SPRED1: variants seen among roughly 807,000 people sequenced by gnomAD.
SPRED1 encodes sprouty related EVH1 domain containing 1.
SPRED1 carries 18 observed loss-of-function variants against 52.3 expected under a neutral mutation model. That is an observed-to-expected ratio of 0.34 (90% CI 0.24 to 0.51). SPRED1 has a LOEUF of 0.51. Among genes scored for constraint, SPRED1 ranks in the 20% least tolerant of loss-of-function variants. The probability of loss-of-function intolerance (pLI) is 0.97; values close to 1 mark genes in which losing one functional copy is unlikely to be tolerated. For missense variants in SPRED1, 485 were observed against 551.0 expected (o/e 0.88, Z 1.20); for synonymous variants, 155 against 179.7 (o/e 0.86, Z 1.10).
chr15:38,296,228 G>T (rs538145757), intron 1 of SPRED1, among the ~76,000 whole-genome samples: 4 of 152,026 alleles, frequency 2.6e-5, no homozygotes, highest in Non-Finnish European at 5.9e-5. Flanking sequence ...CTGTAAGGGA[G>T]AAAAGAAACT....
At chr15:38,260,147 C>T (rs558555764) in intron 1 of SPRED1, among the ~76,000 whole-genome samples, 3 of 152,184 alleles carry the variant, frequency 2.0e-5, no homozygotes, top group Admixed American at 6.5e-5. Context: ...GCTTAAAAAG[C>T]AACAACAAGT....
intron 1 of SPRED1, among the ~76,000 whole-genome samples, chr15:38,293,853 GTCC>G (rs1342025471): frequency 6.6e-6 from 1 of 152,106 alleles, no homozygotes; most frequent in Non-Finnish European, 1.5e-5. Flanking sequence ...TCTATTGAGT[GTCC>G]TTAGCCTTTT....
At chr15:38,266,215 A>C (rs570017368) in intron 1 of SPRED1, among the ~76,000 whole-genome samples, 2 of 152,366 alleles carry the variant, frequency 1.3e-5, no homozygotes, top group Non-Finnish European at 2.9e-5. Context: ...ATCTTAAATG[A>C]GCATAAATCA....
At chr15:38,256,545 A>G (rs1367043298) in intron 1 of SPRED1, among the ~76,000 whole-genome samples, 1 of 152,156 alleles carries the variant, frequency 6.6e-6, no homozygotes, top group African/African-American at 2.4e-5. Flanking sequence ...TTAGCCAGAA[A>G]CACTTCCTGT....
intron 1 of SPRED1, among the ~76,000 whole-genome samples, chr15:38,274,609 A>G (rs568773925): frequency 7.2e-5 from 11 of 152,334 alleles, no homozygotes; most frequent in Non-Finnish European, 1.5e-4. Context: ...CAATATTATT[A>G]TCAACTGGCA....
At chr15:38,261,249 A>G (rs573767442) in intron 1 of SPRED1, among the ~76,000 whole-genome samples, 4 of 152,330 alleles carry the variant, frequency 2.6e-5, no homozygotes, top group Middle Eastern at 3.4e-3. Context: ...AATTTTTCTG[A>G]TTTAAAACGA....
intron 4 of SPRED1, among the ~76,000 whole-genome samples, chr15:38,332,556 G>C (rs1895826256): frequency 6.6e-6 from 1 of 152,178 alleles, no homozygotes; most frequent in African/African-American, 2.4e-5. Flanking sequence ...CTGGGCAACA[G>C]AGCAAGACCT....
chr15:38,275,737 C>T (rs1485307778), intron 1 of SPRED1, among the ~76,000 whole-genome samples: 1 of 152,174 alleles, frequency 6.6e-6, no homozygotes, highest in Admixed American at 6.5e-5. Flanking sequence ...ACCTCGTGAT[C>T]CACCCACCCC....
chr15:38,298,331 C>T (rs192468699), intron 1 of SPRED1, among the ~76,000 whole-genome samples: 1 of 151,996 alleles, frequency 6.6e-6, no homozygotes, highest in Admixed American at 6.6e-5. Flanking sequence ...TCCTGTGACC[C>T]GTTAATTCCA....
Position 38,351,293 on chromosome 15 carries a change from A to G in SPRED1, c.964A>G (p.Lys322Glu). The G allele has an allele frequency of 6.2e-7, 1 of 1,614,120 alleles. No homozygotes were observed. The highest frequency in any genetic ancestry group is 1.7e-5 in the Admixed American group (1 of 59,990). The stretch of plus-strand genomic sequence containing the variant: ...GCAGCCTTCCTCATTAAAAATTAAG[A>G]AGTCAAAACGAAGAAAAGAGGATGG... ...KTQPSSLKIK[K>E]SKRRKEDGER... Residue 322 changes from lysine to glutamate, a missense_variant, in exon 7 of 7, where the codon AAG (lysine) becomes GAG (glutamate). By Grantham distance (56) the Lys-to-Glu change is moderately conservative. Transcript: ENST00000299084.
At chr15:38,285,921 C>T (rs567156119) in intron 1 of SPRED1, among the ~76,000 whole-genome samples, 1 of 152,296 alleles carries the variant, frequency 6.6e-6, no homozygotes. Flanking sequence ...TATCTTCTTA[C>T]TCATTCATGC....
chr15:38,270,096 G>A (rs1199013298), intron 1 of SPRED1, among the ~76,000 whole-genome samples: 1 of 151,770 alleles, frequency 6.6e-6, no homozygotes. Context: ...TAATAGAGAC[G>A]GGGTTTCAAC....
chr15:38,339,298 G>T (rs1895984264), intron 4 of SPRED1, among the ~76,000 whole-genome samples: 2 of 152,046 alleles, frequency 1.3e-5, no homozygotes, highest in South Asian at 4.1e-4. Context: ...GACTAATGTT[G>T]TCTTCTGTCT....
intron 1 of SPRED1, among the ~76,000 whole-genome samples, chr15:38,280,399 A>C (rs1158017014): frequency 6.6e-6 from 1 of 152,200 alleles, no homozygotes; most frequent in Non-Finnish European, 1.5e-5. Flanking sequence ...TTTAGCTTAT[A>C]GATGAGTTGC....
chr15:38,296,524 C>T (rs1196052470), intron 1 of SPRED1, among the ~76,000 whole-genome samples: 1 of 152,138 alleles, frequency 6.6e-6, no homozygotes, highest in Non-Finnish European at 1.5e-5. Context: ...TGGTCATCTT[C>T]TTTTGCCTTT....
intron 1 of SPRED1, among the ~76,000 whole-genome samples, chr15:38,280,362 A>G (rs896867851): frequency 4.6e-5 from 7 of 152,200 alleles, no homozygotes; most frequent in Non-Finnish European, 8.8e-5. Context: ...CATGATAGCC[A>G]GAAGGGTATT....
At chr15:38,339,151 A>G (rs1895980299) in intron 4 of SPRED1, among the ~76,000 whole-genome samples, 1 of 115,380 alleles carries the variant, frequency 8.7e-6, no homozygotes, top group African/African-American at 2.9e-5. Flanking sequence ...ATTATTGTTT[A>G]TGACATTTTA....
At chr15:38,259,425 A>G (rs1394951027) in intron 1 of SPRED1, among the ~76,000 whole-genome samples, 2 of 152,100 alleles carry the variant, frequency 1.3e-5, no homozygotes, top group African/African-American at 4.8e-5. Flanking sequence ...GGCTAATTTT[A>G]AAATTTTTTG....
intron 1 of SPRED1, among the ~76,000 whole-genome samples, chr15:38,274,098 A>G (rs1894495575): frequency 6.6e-6 from 1 of 152,202 alleles, no homozygotes; most frequent in African/African-American, 2.4e-5. Flanking sequence ...TATTCAGAAA[A>G]TTCTTATGCT....
Sources: allele counts gnomAD v4.1 joint callset (sites outside exome capture counted in the v4.1 genomes callset), GRCh38; gene constraint gnomAD v4.1.1; transcripts MANE v1.5; gene names NCBI Gene and HGNC (gene_info 2026-07-23, HGNC 2026-07-21).